TSHZ2: variants seen among roughly 807,000 people sequenced by gnomAD.
TSHZ2 encodes the protein teashirt zinc finger homeobox 2, also known as teashirt homolog 2.
Under a neutral mutation model 74.4 loss-of-function variants are expected in TSHZ2, and 21 were observed. That is an observed-to-expected ratio of 0.28 (90% CI 0.20 to 0.41). TSHZ2 has a LOEUF of 0.41. TSHZ2 is among the 10% of genes least tolerant of loss of function. The pLI, the probability that TSHZ2 is intolerant of heterozygous loss-of-function variation, is 1.00. For synonymous variants in TSHZ2, 540 were observed against 515.3 expected, an observed-to-expected ratio of 1.05 and a Z score of -0.65; for missense variants, 1,244 against 1,293.5, an observed-to-expected ratio of 0.96 and a Z score of 0.59.
intron 1 of TSHZ2, among the ~76,000 whole-genome samples, chr20:53,112,049 G>A (rs1036669567): frequency 2.6e-5 from 4 of 152,164 alleles, no homozygotes; most frequent in African/African-American, 9.6e-5. Flanking sequence ...GAGAACCATG[G>A]CAGAATATGG....
At chr20:53,293,862 A>C (rs1229020042) in intron 2 of TSHZ2, among the ~76,000 whole-genome samples, 1 of 151,940 alleles carries the variant, frequency 6.6e-6, no homozygotes, top group Non-Finnish European at 1.5e-5. Flanking sequence ...CTAAAAATAC[A>C]AAAATTAGCT....
At chr20:53,416,082 C>A (rs1412957928) in intron 2 of TSHZ2, among the ~76,000 whole-genome samples, 1 of 152,128 alleles carries the variant, frequency 6.6e-6, no homozygotes, top group African/African-American at 2.4e-5. Context: ...TGCTCTGGCA[C>A]CCACGTGAAG....
chr20:53,001,220 G>GTGTGTGTATGTGTGTGTGTGTGTGTA (rs1305864427), intron 1 of TSHZ2, among the ~76,000 whole-genome samples: 4 of 146,302 alleles, frequency 2.7e-5, no homozygotes, highest in African/African-American at 1.0e-4. Flanking sequence ...GTGTGTGTGT[G>GTGTGTGTATGTGTGTGTGTGTGTGTA]TGTGTGTGTG....
At chr20:53,455,337 C>G (rs991075949) in intron 2 of TSHZ2, 2 of 152,100 alleles carry the variant, frequency 1.3e-5, no homozygotes, top group East Asian at 1.9e-4. Flanking sequence ...AGGCAGAGGT[C>G]CTATCTGTCT....
rs1985032379 is a variant in TSHZ2 at position 53,455,588 on chromosome 20, GT to G, written c.*9-31552del. The G allele has an allele frequency of 2.0e-5, 3 of 151,898 alleles. No homozygotes were observed. The East Asian group carries it at 5.8e-4, about 29-fold the overall frequency. The allele number at this position is 151,898 out of a possible 1,614,324, so 9.4% of individuals were successfully genotyped here. ...TTTTTTTATTATTATTATACTTTAA[GT>G]TTTAGGGTACATGTGCACATTGTGC... On this transcript the variant is annotated intron_variant, in intron 2 of 2. Transcript: ENST00000371497.
rs1981172793 is a variant in TSHZ2 at position 52,972,875 on chromosome 20, C to A, written c.-419C>A. 8.8e-6 allele frequency: 2 copies of A among 226,610 alleles called. No individual in the cohort carries two copies. The highest frequency in any genetic ancestry group is 1.3e-3 in the Middle Eastern group (1 of 762). The allele number at this position is 226,610 out of a possible 1,614,324, so 14.0% of individuals were successfully genotyped here. A position where few individuals can be genotyped will look rare whatever the true frequency, so the allele number is the denominator to read the frequency against. On this transcript the variant is annotated 5_prime_UTR_variant, in exon 1 of 3. Coordinates refer to ENST00000371497, the MANE Select transcript of TSHZ2 (RefSeq NM_173485.6). ...CGCGAGTGTGCCTGTGGCGCGTGTG[C>A]GCCCCTCGTCCCTTCCATCCGAACC...
At chr20:53,009,113 G>A (rs897388931) in intron 1 of TSHZ2, among the ~76,000 whole-genome samples, 1 of 151,600 alleles carries the variant, frequency 6.6e-6, no homozygotes, top group Non-Finnish European at 1.5e-5. Flanking sequence ...AGGATTGCTT[G>A]AGCCCAGGAG....
At chr20:53,171,147 G>A (rs988703174) in intron 1 of TSHZ2, among the ~76,000 whole-genome samples, 1 of 152,114 alleles carries the variant, frequency 6.6e-6, no homozygotes, top group Admixed American at 6.5e-5. Flanking sequence ...ACCAGCCCTC[G>A]ATCCGAAAGC....
chr20:53,213,254 C>A (rs999174464), intron 1 of TSHZ2, among the ~76,000 whole-genome samples: 1 of 152,162 alleles, frequency 6.6e-6, no homozygotes, highest in South Asian at 2.1e-4. Flanking sequence ...AGTTTGTTAA[C>A]AGTTTCTTGT....
chr20:52,987,862 A>T (rs1981831541), intron 1 of TSHZ2, among the ~76,000 whole-genome samples: 1 of 152,088 alleles, frequency 6.6e-6, no homozygotes. Context: ...AGCAAAAGGG[A>T]TCTCTCAGAC....
intron 1 of TSHZ2, among the ~76,000 whole-genome samples, chr20:53,063,247 A>G (rs1275555994): frequency 6.6e-6 from 1 of 152,234 alleles, no homozygotes; most frequent in East Asian, 1.9e-4. Flanking sequence ...CAAGCTTTTT[A>G]CAAATTGAAA....
chr20:52,998,974 A>G (rs1018044107), intron 1 of TSHZ2, among the ~76,000 whole-genome samples: 5 of 152,254 alleles, frequency 3.3e-5, no homozygotes, highest in African/African-American at 1.2e-4. Flanking sequence ...CTTTCCACAC[A>G]TTCAGCATTA....
intron 1 of TSHZ2, among the ~76,000 whole-genome samples, chr20:53,018,630 A>C (rs989338640): frequency 6.6e-6 from 1 of 152,188 alleles, no homozygotes. Context: ...CTGCCTTTAA[A>C]TCAGATTACC....
chr20:53,175,163 C>T (rs1323164399), intron 1 of TSHZ2, among the ~76,000 whole-genome samples: 16 of 67,146 alleles, frequency 2.4e-4, no homozygotes, highest in South Asian at 5.7e-4. Context: ...TTTTTTTCAA[C>T]GGAGTTTTGC....
chr20:53,209,017 TG>T lies in TSHZ2; in HGVS notation c.41-44480del, dbSNP rs1989238432. 2.0e-5 allele frequency among the ~76,000 whole-genome samples: 3 copies of T among 152,294 alleles called. No individual in the cohort carries two copies. The Middle Eastern group carries it at 0.01, about 518-fold the overall frequency. Reference sequence around the variant, plus strand: ...CTTGTTCCACCTACCCATTTTGACTTGGCATAAAATCAGCTTCTTTGCATGT... The same window carrying T: ...CTTGTTCCACCTACCCATTTTGACTTGCATAAAATCAGCTTCTTTGCATGT... On this transcript the variant is annotated intron_variant, in intron 1 of 2. Transcript: ENST00000371497.
intron 1 of TSHZ2, among the ~76,000 whole-genome samples, chr20:53,087,708 G>T (rs915943800): frequency 6.6e-6 from 1 of 152,178 alleles, no homozygotes. Flanking sequence ...GTGTCTTCAG[G>T]CTATTTAGAG....
At chr20:53,310,167 C>A (rs1978719134) in intron 2 of TSHZ2, among the ~76,000 whole-genome samples, 1 of 152,182 alleles carries the variant, frequency 6.6e-6, no homozygotes, top group Admixed American at 6.5e-5. Context: ...TGCAGGTCAG[C>A]TAGTCCAACG....
intron 2 of TSHZ2, among the ~76,000 whole-genome samples, chr20:53,317,626 C>T (rs1295985753): frequency 2.6e-5 from 4 of 152,272 alleles, no homozygotes; most frequent in Admixed American, 2.6e-4. Context: ...TCCAGCAGCA[C>T]GTTCCAGGGC....
At chr20:53,258,040 A>G (rs1990518493) in intron 2 of TSHZ2, among the ~76,000 whole-genome samples, 1 of 152,186 alleles carries the variant, frequency 6.6e-6, no homozygotes, top group African/African-American at 2.4e-5. Context: ...AAGTTAAAAT[A>G]TCTGACCTGG....
Sources: gnomAD v4.1 joint callset for allele counts (sites outside exome capture counted in the v4.1 genomes callset) on GRCh38, gnomAD v4.1.1 for gene constraint, MANE v1.5 for transcripts, NCBI Gene and HGNC (gene_info 2026-07-23, HGNC 2026-07-21) for gene names.